Variants in FAM171A1 observed in about 807,000 individuals in gnomAD.
FAM171A1 encodes family with sequence similarity 171 member A1.
FAM171A1 carries 23 observed loss-of-function variants against 74.9 expected under a neutral mutation model. The ratio of observed to expected loss-of-function variants is 0.31; its 90% CI spans 0.22 to 0.44. FAM171A1 has a LOEUF of 0.44. Ranked by LOEUF, FAM171A1 falls within the 20% of genes least tolerant of loss-of-function variation. The pLI, the probability that FAM171A1 is intolerant of heterozygous loss-of-function variation, is 1.00. For missense variants in FAM171A1, 1,162 were observed against 1,159.2 expected, an observed-to-expected ratio of 1.00 and a Z score of -0.03; for synonymous variants, 527 against 505.7, an observed-to-expected ratio of 1.04 and a Z score of -0.57.
intron 5 of FAM171A1, among the ~76,000 whole-genome samples, chr10:15,239,530 T>G (rs1834337316): frequency 6.6e-6 from 1 of 152,144 alleles, no homozygotes; most frequent in Non-Finnish European, 1.5e-5. Flanking sequence ...CTCAAACTCT[T>G]GACCTCAAGT....
At chr10:15,257,930 AG>A (rs1238076900) in intron 3 of FAM171A1, among the ~76,000 whole-genome samples, 7 of 152,120 alleles carry the variant, frequency 4.6e-5, no homozygotes, top group Non-Finnish European at 1.5e-5. Flanking sequence ...TATGATTGGG[AG>A]GGGGTGGCAG....
chr10:15,240,237 T>C (rs1043871016), intron 5 of FAM171A1, among the ~76,000 whole-genome samples: 1 of 152,050 alleles, frequency 6.6e-6, no homozygotes, highest in Admixed American at 6.6e-5. Context: ...GGCACACACC[T>C]GTAGTCCCAG....
At chr10:15,242,525 G>A (rs149117639) in intron 5 of FAM171A1, among the ~76,000 whole-genome samples, 26 of 152,320 alleles carry the variant, frequency 1.7e-4, no homozygotes, top group Middle Eastern at 3.4e-3. Flanking sequence ...GTTGGCTCAC[G>A]CCTATAATCC....
intron 4 of FAM171A1, among the ~76,000 whole-genome samples, chr10:15,249,773 C>T (rs1471286731): frequency 1.3e-5 from 2 of 152,156 alleles, no homozygotes; most frequent in Middle Eastern, 3.2e-3. Flanking sequence ...GGCCTTTGGT[C>T]CAAGCCAAAG....
intron 3 of FAM171A1, among the ~76,000 whole-genome samples, chr10:15,263,519 C>G (rs563071667): frequency 6.6e-6 from 1 of 152,212 alleles, no homozygotes; most frequent in Non-Finnish European, 1.5e-5. Flanking sequence ...TTTTGTGACA[C>G]TGAGCGCATT....
intron 1 of FAM171A1, among the ~76,000 whole-genome samples, chr10:15,342,315 A>T (rs935406652): frequency 3.9e-5 from 6 of 152,204 alleles, no homozygotes; most frequent in African/African-American, 1.4e-4. Context: ...CACGCCTGTA[A>T]TCCCAGCACT....
intron 1 of FAM171A1, among the ~76,000 whole-genome samples, chr10:15,290,732 T>C (rs1460024458): frequency 6.6e-6 from 1 of 152,082 alleles, no homozygotes; most frequent in African/African-American, 2.4e-5. Context: ...GGAGGTGTCA[T>C]TTTAGCTTAG....
intron 3 of FAM171A1, among the ~76,000 whole-genome samples, chr10:15,263,810 T>A (rs1423192935): frequency 1.3e-5 from 2 of 151,782 alleles, no homozygotes; most frequent in African/African-American, 4.8e-5. Flanking sequence ...AATCTATTAA[T>A]CATCTATCTA....
intron 1 of FAM171A1, among the ~76,000 whole-genome samples, chr10:15,294,063 G>T (rs954427181): frequency 2.0e-5 from 3 of 152,214 alleles, no homozygotes; most frequent in Non-Finnish European, 1.5e-5. Flanking sequence ...CGCAGAGGAG[G>T]CATCTGGTTG....
chr10:15,240,324 G>A (rs1834347618), intron 5 of FAM171A1, among the ~76,000 whole-genome samples: 1 of 151,962 alleles, frequency 6.6e-6, no homozygotes, highest in African/African-American at 2.4e-5. Context: ...TTGTGCTACT[G>A]TACTCCAGCC....
intron 1 of FAM171A1, among the ~76,000 whole-genome samples, chr10:15,358,110 G>T (rs1410334576): frequency 1.3e-5 from 2 of 152,018 alleles, no homozygotes; most frequent in East Asian, 3.9e-4. Context: ...CAAGAAGCTG[G>T]GACCACAGGT....
At chr10:15,235,734 G>C (rs1164095331) in intron 5 of FAM171A1, among the ~76,000 whole-genome samples, 1 of 152,162 alleles carries the variant, frequency 6.6e-6, no homozygotes, top group East Asian at 1.9e-4. Flanking sequence ...TTCATGTTAA[G>C]TTGTAAAAGA....
chr10:15,214,463 G>A lies in FAM171A1; in HGVS notation c.1125C>T (p.Gly375=), dbSNP rs1833941668. The change falls in exon 8 of 8, where the codon GGC becomes GGT. Residue 375 remains glycine, a synonymous_variant. Coordinates refer to ENST00000378116, the MANE Select transcript of FAM171A1 (RefSeq NM_001010924.2). ...LFSRRASEFP[G]PLSVTSHGRP... ...GGCCGTGGCTGGTGACGGACAGCGGGCCAGGGAATTCTGACGCTCGGCGTG... is the reference window on the plus strand; with the variant it reads ...GGCCGTGGCTGGTGACGGACAGCGGACCAGGGAATTCTGACGCTCGGCGTG... 6.2e-7 allele frequency: 1 copy of A among 1,614,038 alleles called. No homozygotes were observed. The highest frequency in any genetic ancestry group is 8.5e-7 in the Non-Finnish European group (1 of 1,180,040).
At chr10:15,263,822 T>C (rs1011125977) in intron 3 of FAM171A1, among the ~76,000 whole-genome samples, 1 of 151,854 alleles carries the variant, frequency 6.6e-6, no homozygotes, top group Non-Finnish European at 1.5e-5. Context: ...ATCTATCTAA[T>C]CTATCATCTA....
Position 15,212,230 on chromosome 10 carries a change from A to G in FAM171A1, c.*685T>C, listed in dbSNP as rs1039838141. 25 of 152,976 alleles carry G rather than the reference A, an allele frequency of 1.6e-4. No individual in the cohort carries two copies. Among genetic ancestry groups the G allele is most frequent in the African/African-American group, 6.0e-4 (25 of 41,580 alleles). 9.5% of individuals were successfully genotyped at this position (152,976 alleles called of 1,614,324 possible). A position where few individuals can be genotyped will look rare whatever the true frequency, so the allele number is the denominator to read the frequency against. On this transcript the variant is annotated 3_prime_UTR_variant, in exon 8 of 8. Coordinates refer to ENST00000378116, the MANE Select transcript of FAM171A1 (RefSeq NM_001010924.2). ...CTTAGCTGATACAGATTTCAGTACG[A>G]TTTCATTAAAAGGCTTGGATGTTAA...
chr10:15,333,777 A>T, intron 1 of FAM171A1, among the ~76,000 whole-genome samples: 1 of 149,758 alleles, frequency 6.7e-6, no homozygotes. Flanking sequence ...CAGAGGTTGC[A>T]GTGTAGTGAT....
At chr10:15,370,349 A>G (rs1588576366) in intron 1 of FAM171A1, among the ~76,000 whole-genome samples, 1 of 151,256 alleles carries the variant, frequency 6.6e-6, no homozygotes, top group Admixed American at 6.6e-5. Context: ...ATGGTCTGGA[A>G]GAGACGTCAG....
intron 1 of FAM171A1, among the ~76,000 whole-genome samples, chr10:15,286,698 T>C (rs1170940279): frequency 6.6e-6 from 1 of 152,220 alleles, no homozygotes; most frequent in Admixed American, 6.5e-5. Flanking sequence ...AGCTGTCTCA[T>C]GATACTAAAG....
intron 4 of FAM171A1, 33 bp downstream of exon 4, chr10:15,254,685 GTAA>G (rs1834553455): frequency 6.2e-7 from 1 of 1,604,622 alleles, no homozygotes; most frequent in African/African-American, 1.3e-5. Context: ...CTAAAACACA[GTAA>G]CTCCCACTGA....
Sources: gnomAD v4.1 joint callset for allele counts (sites outside exome capture counted in the v4.1 genomes callset) on GRCh38, gnomAD v4.1.1 for gene constraint, MANE v1.5 for transcripts, NCBI Gene and HGNC (gene_info 2026-07-23, HGNC 2026-07-21) for gene names.